DICER1: variants seen among roughly 807,000 people sequenced by gnomAD.
DICER1 encodes the protein dicer 1, ribonuclease III.
In DICER1, 43 loss-of-function variants were observed where a neutral mutation model predicts 194.1. The ratio of observed to expected loss-of-function variants is 0.22; its 90% CI spans 0.17 to 0.29. The LOEUF is 0.29. Among genes scored for constraint, DICER1 ranks in the 10% least tolerant of loss-of-function variants. DICER1 has a pLI of 1.00. For synonymous variants in DICER1, 832 were observed against 820.5 expected (o/e 1.01, Z -0.24); for missense variants, 1,608 against 2,317.0 (o/e 0.69, Z 6.28).
intron 22 of DICER1, among the ~76,000 whole-genome samples, chr14:95,097,326 A>G (rs72549149): frequency 6.9e-4 from 105 of 152,346 alleles, no homozygotes; most frequent in African/African-American, 2.5e-3. Context: ...TGCTTTCCTT[A>G]AAAAATAAAA....
At chr14:95,100,214 G>T (rs570786598) in intron 21 of DICER1, among the ~76,000 whole-genome samples, 1 of 152,218 alleles carries the variant, frequency 6.6e-6, no homozygotes, top group Admixed American at 6.5e-5. Flanking sequence ...CCTTATGAAT[G>T]ACTGAGAAGA....
At chr14:95,115,577 C>T (rs566356381) in intron 11 of DICER1, 90 bp downstream of exon 11, 97 of 1,442,944 alleles carry the variant, frequency 6.7e-5, no homozygotes, top group African/African-American at 5.3e-4. Flanking sequence ...GACTGGTAAC[C>T]GCAAAATGTC....
rs991819605 is a variant in DICER1, at chr14:95,087,457, T to G, written c.*3041A>C. The G allele has an allele frequency of 2.6e-5, 6 of 233,158 alleles. No homozygotes were observed. The highest frequency in any genetic ancestry group is 1.3e-4 in the African/African-American group (6 of 45,336). 14.4% of individuals were successfully genotyped at this position (233,158 alleles called of 1,614,324 possible). On this transcript the variant is annotated 3_prime_UTR_variant, in exon 27 of 27. Coordinates refer to ENST00000343455, the MANE Select transcript of DICER1 (RefSeq NM_177438.3). ...AGACAAAAATGACCTATTTAAGTTG[T>G]GCGAGTATATGACACATTGCAGGCA...
At chr14:95,113,586 G>T (rs960779576) in intron 11 of DICER1, among the ~76,000 whole-genome samples, 10 of 152,238 alleles carry the variant, frequency 6.6e-5, no homozygotes, top group African/African-American at 2.4e-4. Flanking sequence ...TCAGAATCCA[G>T]TAAGAAAACA....
At chr14:95,150,064 A>G (rs1595507747) in intron 1 of DICER1, among the ~76,000 whole-genome samples, 1 of 152,350 alleles carries the variant, frequency 6.6e-6, no homozygotes, top group East Asian at 1.9e-4. Flanking sequence ...ATTAATGCAA[A>G]CTAATCTGAC....
At chr14:95,129,843 T>A (rs887682906) in intron 5 of DICER1, among the ~76,000 whole-genome samples, 1 of 152,214 alleles carries the variant, frequency 6.6e-6, no homozygotes, top group Non-Finnish European at 1.5e-5. Flanking sequence ...AAGGCTCAAT[T>A]AGATACACTA....
intron 8 of DICER1, among the ~76,000 whole-genome samples, chr14:95,121,378 A>C (rs931896007): frequency 1.3e-5 from 2 of 152,256 alleles, no homozygotes; most frequent in Non-Finnish European, 1.5e-5. Context: ...AAATCCAAAT[A>C]AAGTCTGGAG....
intron 24 of DICER1, among the ~76,000 whole-genome samples, chr14:95,092,202 A>G (rs1889906375): frequency 6.6e-6 from 1 of 152,232 alleles, no homozygotes; most frequent in Non-Finnish European, 1.5e-5. Context: ...CAGCCACAAT[A>G]TATTATACGT....
chr14:95,095,197 G>A (rs953483986), intron 23 of DICER1: 2 of 153,024 alleles, frequency 1.3e-5, no homozygotes, highest in African/African-American at 4.8e-5. Flanking sequence ...AACTTCAGCT[G>A]TGTTTCACAG....
In DICER1 at chr14:95,090,182, A is replaced by C. The variant is rs1245490865; in HGVS notation, c.*316T>G. 13 of 431,990 alleles carry C rather than the reference A, an allele frequency of 3.0e-5. No homozygotes were observed. Among genetic ancestry groups the C allele is most frequent in the African/African-American group, 2.4e-4 (12 of 50,294 alleles). The allele number at this position is 431,990 out of a possible 1,614,324, so 26.8% of individuals were successfully genotyped here. A position where few individuals can be genotyped will look rare whatever the true frequency, so the allele number is the denominator to read the frequency against. On this transcript the variant is annotated 3_prime_UTR_variant, in exon 27 of 27. Coordinates refer to ENST00000343455, the MANE Select transcript of DICER1 (RefSeq NM_177438.3). ...AGCTGACATAAACTCAAAAAAAAAA[A>C]AACAAAACCTGTCAATTATTTTGAG...
chr14:95,119,977 T>C (rs1364259614), intron 8 of DICER1, among the ~76,000 whole-genome samples: 2 of 152,104 alleles, frequency 1.3e-5, no homozygotes, highest in Non-Finnish European at 2.9e-5. Context: ...TCTCCCCAAT[T>C]AGAATGAAAA....
chr14:95,136,061 T>C (rs1000271165), intron 1 of DICER1, among the ~76,000 whole-genome samples: 5 of 146,036 alleles, frequency 3.4e-5, no homozygotes, highest in African/African-American at 1.3e-4. Flanking sequence ...TCTCAAATGG[T>C]ACAGAAAAAG....
At chr14:95,131,672 G>A (rs1390282151) in intron 3 of DICER1, 33 bp from the exon 4 acceptor site, 5 of 1,607,262 alleles carry the variant, frequency 3.1e-6, no homozygotes, top group East Asian at 2.2e-5. Flanking sequence ...ATGTAAATAT[G>A]AGAAATCTTG....
intron 24 of DICER1, 46 bp from the exon 25 acceptor site, chr14:95,091,411 A>G: frequency 6.4e-7 from 1 of 1,558,620 alleles, no homozygotes; most frequent in Middle Eastern, 1.7e-4. Flanking sequence ...GGCCACTTTT[A>G]CAGGCAGTCC....
chr14:95,139,270 T>A (rs1189725688), intron 1 of DICER1, among the ~76,000 whole-genome samples: 1 of 152,230 alleles, frequency 6.6e-6, no homozygotes, highest in African/African-American at 2.4e-5. Context: ...AAAATTTCTC[T>A]TAAAACTCTG....
At chr14:95,135,460 C>T (rs1267571819) in intron 1 of DICER1, among the ~76,000 whole-genome samples, 1 of 152,184 alleles carries the variant, frequency 6.6e-6, no homozygotes, top group Non-Finnish European at 1.5e-5. Context: ...ACAACTGTCA[C>T]CATTTCTTCT....
rs1892356537 is a variant in DICER1, at chr14:95,115,518, A to G, written c.1907+149T>C. 5 of 888,430 alleles carry G rather than the reference A, an allele frequency of 5.6e-6. No individual in the cohort carries two copies. In the South Asian group the frequency reaches 7.4e-5, roughly 13 times the overall value. 55.0% of individuals were successfully genotyped at this position (888,430 alleles called of 1,614,324 possible). ...TTGCCTTTTGATTTAAAAAAAAATGAAAAAAGAAGTAACTTTTCTTTATCG... is the reference window on the plus strand; with the variant it reads ...TTGCCTTTTGATTTAAAAAAAAATGGAAAAAGAAGTAACTTTTCTTTATCG... On this transcript the variant is annotated intron_variant, in intron 11 of 26. Coordinates refer to ENST00000343455, the MANE Select transcript of DICER1 (RefSeq NM_177438.3).
intron 14 of DICER1, among the ~76,000 whole-genome samples, chr14:95,110,163 T>TAA (rs966309045): frequency 6.6e-6 from 1 of 150,476 alleles, no homozygotes; most frequent in Non-Finnish European, 1.5e-5. Context: ...ATTTCTAAAT[T>TAA]AAAAAAAAAC....
At chr14:95,154,702 A>G (rs1409083974) in intron 1 of DICER1, among the ~76,000 whole-genome samples, 1 of 152,166 alleles carries the variant, frequency 6.6e-6, no homozygotes, top group African/African-American at 2.4e-5. Context: ...TGAAGGTAGG[A>G]TGGAATCAGG....
Sources: gnomAD v4.1 joint callset for allele counts (sites outside exome capture counted in the v4.1 genomes callset) on GRCh38, gnomAD v4.1.1 for gene constraint, MANE v1.5 for transcripts, NCBI Gene and HGNC (gene_info 2026-07-23, HGNC 2026-07-21) for gene names.